The following CYP39A1 variants were observed in gnomAD, a reference collection of about 807,000 sequenced individuals.
CYP39A1 encodes the protein cytochrome P450 family 39 subfamily A member 1, also known as 24-hydroxycholesterol 7-alpha-hydroxylase.
Under a neutral mutation model 58.1 loss-of-function variants are expected in CYP39A1, and 49 were observed. The observed-to-expected ratio is 0.84, with a 90% CI of 0.67 to 1.07. The LOEUF (loss-of-function observed/expected upper bound fraction) is 1.07. CYP39A1 is among the 50% of genes least tolerant of loss of function. CYP39A1 has a pLI of 0.00. For missense variants in CYP39A1, 531 were observed against 539.4 expected (o/e 0.98, Z 0.16); for synonymous variants, 209 against 187.6 (o/e 1.11, Z -0.93).
At chr6:46,577,434 A>G (rs1211226736) in intron 10 of CYP39A1, among the ~76,000 whole-genome samples, 4 of 152,170 alleles carry the variant, frequency 2.6e-5, no homozygotes, top group Non-Finnish European at 4.4e-5. Flanking sequence ...ACTGATATTA[A>G]CCTTGAATAT....
chr6:46,630,001 C>G (rs535797052), intron 6 of CYP39A1, among the ~76,000 whole-genome samples: 1 of 152,056 alleles, frequency 6.6e-6, no homozygotes, highest in South Asian at 2.1e-4. Flanking sequence ...GAGGCTGAGG[C>G]AGGGGAATCG....
intron 7 of CYP39A1, among the ~76,000 whole-genome samples, chr6:46,600,367 C>T (rs7749593): frequency 1.3e-5 from 2 of 151,968 alleles, no homozygotes; most frequent in African/African-American, 4.8e-5. Flanking sequence ...GTGATCTGCC[C>T]ACCTCAGCCT....
intron 7 of CYP39A1, among the ~76,000 whole-genome samples, chr6:46,605,408 A>C (rs1773780077): frequency 6.6e-6 from 1 of 152,172 alleles, no homozygotes; most frequent in Admixed American, 6.5e-5. Context: ...TCTTTGGCAG[A>C]CAGGACTTTT....
At position 46,625,477 on chromosome 6, in the gene CYP39A1, G is replaced by T; in HGVS notation, c.872C>A (p.Ser291Tyr). 1 of 1,610,950 alleles carries T rather than the reference G, an allele frequency of 6.2e-7. No homozygotes were observed. Among genetic ancestry groups the T allele is most frequent in the Non-Finnish European group, 8.5e-7 (1 of 1,178,404 alleles). Residue 291 changes from serine (S) to tyrosine (Y), a missense_variant, in exon 7 of 12, where the codon TCT becomes TAT. Physicochemically the swap from Ser to Tyr is moderately radical, Grantham distance 144. Coordinates refer to ENST00000275016, the MANE Select transcript of CYP39A1 (RefSeq NM_016593.5). The stretch of plus-strand genomic sequence containing the variant: ...AATGGCCTTGTGGATATCAGGATGA[G>T]AAAGGACGTATGCAAGTGTCCAAAA... ...VAFWTLAYVL[S>Y]HPDIHKAIME... is the part of the protein sequence containing the mutation.
At chr6:46,643,231 C>T (rs569516904) in intron 1 of CYP39A1, among the ~76,000 whole-genome samples, 1 of 152,270 alleles carries the variant, frequency 6.6e-6, no homozygotes, top group Admixed American at 6.5e-5. Flanking sequence ...GGCAACAAAC[C>T]TCAGTCTTCT....
chr6:46,623,254 A>G (rs1184884625), intron 7 of CYP39A1, among the ~76,000 whole-genome samples: 1 of 152,142 alleles, frequency 6.6e-6, no homozygotes, highest in East Asian at 1.9e-4. Context: ...ACTAGTTGAT[A>G]TTAGCATTTC....
At position 46,649,010 on chromosome 6, in the gene CYP39A1, A is replaced by C. The variant is rs577789416; in HGVS notation, c.177+3396T>G. Among the ~76,000 whole-genome samples the C allele has an allele frequency of 6.7e-4, 102 of 152,320 alleles. 1 individual carries two copies. The highest frequency in any genetic ancestry group is 3.3e-3 in the Admixed American group (50 of 15,298). Reference sequence around the variant, plus strand: ...CCAGGCAGTTTGAAGCATAAACAAAATCTTCTGTCTCAATTATAAAGTACA... The same window carrying C: ...CCAGGCAGTTTGAAGCATAAACAAACTCTTCTGTCTCAATTATAAAGTACA... On this transcript the variant is annotated intron_variant, in intron 1 of 11. Transcript: ENST00000275016.
intron 5 of CYP39A1, 95 bp from the exon 6 acceptor site, chr6:46,631,165 G>T (rs906046550): frequency 1.0e-6 from 1 of 995,060 alleles, no homozygotes; most frequent in Non-Finnish European, 1.5e-6. Context: ...TAATATGAAA[G>T]ATATCATTTC....
At chr6:46,587,521 G>A (rs896261155) in intron 9 of CYP39A1, among the ~76,000 whole-genome samples, 3 of 152,162 alleles carry the variant, frequency 2.0e-5, no homozygotes, top group African/African-American at 7.2e-5. Context: ...ATCCCTGCCT[G>A]TTAGAAAAAG....
intron 1 of CYP39A1, among the ~76,000 whole-genome samples, chr6:46,650,553 G>A (rs1258706867): frequency 7.6e-6 from 1 of 132,444 alleles, no homozygotes; most frequent in Non-Finnish European, 1.5e-5. Context: ...GCCCAGGCTC[G>A]AGTGCAGTGG....
chr6:46,615,951 A>G (rs542268175), intron 7 of CYP39A1, among the ~76,000 whole-genome samples: 13 of 150,120 alleles, frequency 8.7e-5, no homozygotes, highest in African/African-American at 3.2e-4. Flanking sequence ...TAATACTATA[A>G]TACCACCTTC....
chr6:46,651,218 C>G (rs1235447024), intron 1 of CYP39A1, among the ~76,000 whole-genome samples: 1 of 152,184 alleles, frequency 6.6e-6, no homozygotes, highest in Non-Finnish European at 1.5e-5. Context: ...TACAACCACA[C>G]AATCAATACA....
At chr6:46,625,333 A>G (rs1775245170) in intron 7 of CYP39A1, 85 bp downstream of exon 7, 1 of 904,942 alleles carries the variant, frequency 1.1e-6, no homozygotes, top group Non-Finnish European at 1.6e-6. Flanking sequence ...GAATTTTTAT[A>G]AAATTATAGG....
intron 10 of CYP39A1, among the ~76,000 whole-genome samples, chr6:46,585,166 G>A (rs1772393397): frequency 6.6e-6 from 1 of 152,040 alleles, no homozygotes; most frequent in African/African-American, 2.4e-5. Flanking sequence ...ATCATGGAAG[G>A]TAGTAATAGC....
intron 7 of CYP39A1, among the ~76,000 whole-genome samples, chr6:46,609,523 A>G (rs1019728569): frequency 6.6e-6 from 1 of 152,116 alleles, no homozygotes; most frequent in Non-Finnish European, 1.5e-5. Context: ...TTTTGAAAAG[A>G]GTAGAATGGG....
chr6:46,616,234 C>CCTTCCTTCCTT lies in CYP39A1; in HGVS notation c.931+9183_931+9184insAAGGAAGGAAG. On this transcript the variant is annotated intron_variant, in intron 7 of 11. Transcript: ENST00000275016. ...TCCCTCCCTCCCTCCCTCCCTCCCT[C>CCTTCCTTCCTT]CCTCCCTCCCTTCCTTCCTTCCTTT... Among the ~76,000 whole-genome samples, 3 of 35,748 alleles carry CCTTCCTTCCTT rather than the reference C, an allele frequency of 8.4e-5. 1 individual carries two copies. The highest frequency in any genetic ancestry group is 1.9e-4 in the African/African-American group (1 of 5,400). The allele number at this position is 35,748 out of a possible 152,430, so 23.5% of individuals were successfully genotyped here. A position where few individuals can be genotyped will look rare whatever the true frequency, so the allele number is the denominator to read the frequency against.
intron 7 of CYP39A1, among the ~76,000 whole-genome samples, chr6:46,611,983 A>T (rs976504938): frequency 6.6e-6 from 1 of 152,230 alleles, no homozygotes; most frequent in Non-Finnish European, 1.5e-5. Flanking sequence ...TGTCTAAATG[A>T]AAAAATGTAG....
At chr6:46,615,237 A>C (rs1774454375) in intron 7 of CYP39A1, among the ~76,000 whole-genome samples, 1 of 151,096 alleles carries the variant, frequency 6.6e-6, no homozygotes, top group Non-Finnish European at 1.5e-5. Flanking sequence ...AGTATAAAAA[A>C]TATATTATAT....
At chr6:46,552,471 C>CT (rs1473067562) in intron 11 of CYP39A1, among the ~76,000 whole-genome samples, 4 of 152,186 alleles carry the variant, frequency 2.6e-5, no homozygotes, top group African/African-American at 9.7e-5. Flanking sequence ...TAATAAAATA[C>CT]TTTCTGTGTC....
Sources: allele counts gnomAD v4.1 joint callset (sites outside exome capture counted in the v4.1 genomes callset), GRCh38; gene constraint gnomAD v4.1.1; transcripts MANE v1.5; gene names NCBI Gene and HGNC (gene_info 2026-07-23, HGNC 2026-07-21).